The following SIRT1 variants were observed in gnomAD, a reference collection of about 807,000 sequenced individuals.
SIRT1 encodes the protein sirtuin 1.
SIRT1 carries 24 observed loss-of-function variants against 67.9 expected under a neutral mutation model. That is an observed-to-expected ratio of 0.35 (90% CI 0.26 to 0.50). SIRT1 has a LOEUF of 0.50. SIRT1 is among the 20% of genes least tolerant of loss of function. The probability of loss-of-function intolerance (pLI) is 0.98; values close to 1 mark genes in which losing one functional copy is unlikely to be tolerated. For missense variants in SIRT1, 873 were observed against 937.2 expected (o/e 0.93, Z 0.89); for synonymous variants, 378 against 350.7 (o/e 1.08, Z -0.87).
chr10:67,896,602 C>A (rs1842661792), intron 4 of SIRT1, among the ~76,000 whole-genome samples: 1 of 151,864 alleles, frequency 6.6e-6, no homozygotes, highest in Admixed American at 6.6e-5. Flanking sequence ...TCAGAAGAGA[C>A]CAGCCAACAT....
At position 67,916,578 on chromosome 10, in the gene SIRT1, A is replaced by G. The variant is rs201496893; in HGVS notation, c.2229A>G (p.Pro743=). Residue 743 remains proline, a synonymous_variant, in exon 9 of 9, where the codon CCA becomes CCG. Transcript: ENST00000212015. ...AGGAAGTAACAGACATGAACTATCC[A>G]TCAAACAAATCATAGTGTAATAATT... is the stretch of plus-strand genomic sequence containing the variant. The part of the protein sequence containing the change: ...VKQEVTDMNY[P]SNKS The G allele has an allele frequency of 6.2e-6, 10 of 1,608,954 alleles. No individual in the cohort carries two copies. The highest frequency in any genetic ancestry group is 5.1e-6 in the Non-Finnish European group (6 of 1,176,180).
chr10:67,889,340 C>T (rs1011287449), intron 3 of SIRT1, among the ~76,000 whole-genome samples: 5 of 152,182 alleles, frequency 3.3e-5, no homozygotes, highest in African/African-American at 9.7e-5. Flanking sequence ...ATTTATAGCA[C>T]AGTGGGTAAA....
At chr10:67,905,581 A>G (rs1260809479) in intron 4 of SIRT1, among the ~76,000 whole-genome samples, 1 of 152,180 alleles carries the variant, frequency 6.6e-6, no homozygotes, top group Non-Finnish European at 1.5e-5. Flanking sequence ...TTAATTTGAA[A>G]GATTAAATAG....
chr10:67,913,050 C>A lies in SIRT1; in HGVS notation c.1915+19C>A. The stretch of plus-strand genomic sequence containing the variant: ...CTTGATGGTAAGAAAGGCAGTCGGA[C>A]CATTTTGAAAGTATAAATGTCATAA... On this transcript the variant is annotated intron_variant, in intron 8 of 8. Transcript: ENST00000212015. The A allele has an allele frequency of 6.4e-7, 1 of 1,573,498 alleles. No individual in the cohort carries two copies. Among genetic ancestry groups the A allele is most frequent in the Non-Finnish European group, 8.6e-7 (1 of 1,165,672 alleles).
rs201112743 is a variant in SIRT1 at position 67,916,522 on chromosome 10, G to A, written c.2173G>A (p.Glu725Lys). 3 of 1,614,046 alleles carry A rather than the reference G, an allele frequency of 1.9e-6. No individual in the cohort carries two copies. The highest frequency in any genetic ancestry group is 2.5e-6 in the Non-Finnish European group (3 of 1,180,040). Residue 725 changes from glutamate to lysine, a missense_variant, in exon 9 of 9, where the codon GAG becomes AAG. Glu to Lys is a moderately conservative substitution (Grantham distance 56, BLOSUM62 1). Transcript: ENST00000212015. ...ATTTGGGACTGATGGAGATGATCAA[G>A]AGGCAATTAATGAAGCTATATCTGT... ...AGFGTDGDDQ[E>K]AINEAISVKQ...
intron 4 of SIRT1, among the ~76,000 whole-genome samples, chr10:67,897,853 G>T (rs1039022152): frequency 6.6e-6 from 1 of 151,426 alleles, no homozygotes; most frequent in African/African-American, 2.4e-5. Flanking sequence ...TTGTGGTCAT[G>T]GTTCTCAGAA....
intron 4 of SIRT1, among the ~76,000 whole-genome samples, chr10:67,895,165 A>G (rs1170416433): frequency 6.6e-6 from 1 of 151,774 alleles, no homozygotes; most frequent in African/African-American, 2.4e-5. Flanking sequence ...CACACCTGTA[A>G]TCCCAGCACT....
At chr10:67,889,231 A>G in intron 3 of SIRT1, 108 bp downstream of exon 3, 2 of 1,293,734 alleles carry the variant, frequency 1.5e-6, no homozygotes, top group Non-Finnish European at 2.1e-6. Context: ...ATGATAATGG[A>G]TGTTTGGGAA....
In SIRT1 at chr10:67,885,121, G is replaced by A; in HGVS notation, c.400G>A (p.Glu134Lys). The A allele has an allele frequency of 6.9e-7, 1 of 1,440,964 alleles. No homozygotes were observed. Among genetic ancestry groups the A allele is most frequent in the Non-Finnish European group, 9.2e-7 (1 of 1,092,210 alleles). 89.3% of individuals were successfully genotyped at this position (1,440,964 alleles called of 1,614,324 possible). The change falls in exon 1 of 9, where the codon GAG (glutamate) becomes AAG (lysine). Residue 134 changes from glutamate (E) to lysine (K), a missense_variant. Glu to Lys is a moderately conservative substitution (Grantham distance 56, BLOSUM62 1). This residue lies in a region of SIRT1 where 327 missense variants were observed against 283.9 expected (regional missense o/e 1.15). Coordinates refer to ENST00000212015, the MANE Select transcript of SIRT1 (RefSeq NM_012238.5). ...DDDDEGEEEE[E>K]AAAAAIGYRD... is the part of the protein sequence containing the mutation. Reference sequence around the variant, plus strand: ...CGACGACGAGGGCGAGGAGGAGGAAGAGGCGGCGGCGGCGGCGATTGGGTA... The same window carrying A: ...CGACGACGAGGGCGAGGAGGAGGAAAAGGCGGCGGCGGCGGCGATTGGGTA...
chr10:67,892,675 C>T (rs1012213604), intron 4 of SIRT1, among the ~76,000 whole-genome samples: 2 of 151,800 alleles, frequency 1.3e-5, no homozygotes, highest in Admixed American at 1.3e-4. Flanking sequence ...GATCTTGGCT[C>T]ATAGCAACCT....
chr10:67,894,897 A>G (rs1302360598), intron 4 of SIRT1, among the ~76,000 whole-genome samples: 1 of 151,934 alleles, frequency 6.6e-6, no homozygotes, highest in Non-Finnish European at 1.5e-5. Context: ...ACGGGGTTTC[A>G]CCATGTTGGC....
At chr10:67,890,558 A>G (rs920516344) in intron 3 of SIRT1, among the ~76,000 whole-genome samples, 4 of 151,584 alleles carry the variant, frequency 2.6e-5, no homozygotes, top group African/African-American at 9.7e-5. Flanking sequence ...CACCCTGAGC[A>G]ACATAGACCC....
intron 4 of SIRT1, among the ~76,000 whole-genome samples, chr10:67,897,920 C>T (rs1010787338): frequency 6.8e-6 from 1 of 146,530 alleles, no homozygotes; most frequent in African/African-American, 2.5e-5. Flanking sequence ...AGAGTCAAGG[C>T]GAAACTGAAT....
At chr10:67,887,326 G>A in intron 1 of SIRT1, 91 bp from the exon 2 acceptor site, 2 of 795,376 alleles carry the variant, frequency 2.5e-6, no homozygotes, top group Non-Finnish European at 4.4e-6. Flanking sequence ...GTTAAATGCT[G>A]TACTCGATGA....
chr10:67,885,503 T>C, intron 1 of SIRT1: 1 of 835,478 alleles, frequency 1.2e-6, no homozygotes, highest in Non-Finnish European at 1.5e-6. Context: ...TCTTTATTTT[T>C]TATTTTCATT....
chr10:67,901,041 T>G (rs1423981292), intron 4 of SIRT1, among the ~76,000 whole-genome samples: 1 of 152,180 alleles, frequency 6.6e-6, no homozygotes. Context: ...AGTCATTTGG[T>G]TCGTAATATG....
chr10:67,907,069 C>A, intron 5 of SIRT1, 132 bp downstream of exon 5: 1 of 799,528 alleles, frequency 1.3e-6, no homozygotes, highest in Non-Finnish European at 1.8e-6. Context: ...TATCGATAAC[C>A]TCAGAAAAGT....
At chr10:67,892,543 C>A (rs1842589706) in intron 4 of SIRT1, among the ~76,000 whole-genome samples, 1 of 152,108 alleles carries the variant, frequency 6.6e-6, no homozygotes, top group African/African-American at 2.4e-5. Flanking sequence ...TGCACTCCAC[C>A]CTGGGCAACA....
intron 1 of SIRT1, among the ~76,000 whole-genome samples, chr10:67,886,460 C>T (rs1450830770): frequency 6.6e-6 from 1 of 150,650 alleles, no homozygotes. Context: ...CGTGGTGTCG[C>T]ACACCTTTAG....
Sources: gnomAD v4.1 joint callset for allele counts (sites outside exome capture counted in the v4.1 genomes callset) on GRCh38, gnomAD v4.1.1 for gene constraint, gnomAD v4.1.1 regional missense constraint, MANE v1.5 for transcripts, NCBI Gene and HGNC (gene_info 2026-07-23, HGNC 2026-07-21) for gene names.